The following CACNG6 variants were observed in gnomAD, a reference collection of about 807,000 sequenced individuals.
CACNG6 encodes the protein voltage-dependent calcium channel gamma-6 subunit.
CACNG6 carries 21 observed loss-of-function variants against 23.9 expected under a neutral mutation model. That is an observed-to-expected ratio of 0.88 (90% CI 0.62 to 1.26). The LOEUF (loss-of-function observed/expected upper bound fraction) is 1.26, where lower values mean the gene tolerates loss of function less well. CACNG6 is among the 50% of genes most tolerant of loss of function. CACNG6 has a pLI of 0.00. For synonymous variants in CACNG6, 182 were observed against 168.9 expected (o/e 1.08, Z -0.60); for missense variants, 340 against 352.9 (o/e 0.96, Z 0.29).
At chr19:54,004,314 C>T (rs555989741) in intron 3 of CACNG6, among the ~76,000 whole-genome samples, 2 of 147,816 alleles carry the variant, frequency 1.4e-5, no homozygotes, top group African/African-American at 2.6e-5. Flanking sequence ...TGCGCCACCA[C>T]GCCTGGTTAA....
chr19:54,011,221 T>C (rs947823219), intron 3 of CACNG6, among the ~76,000 whole-genome samples: 1,624 of 100,974 alleles, frequency 0.016, 64 homozygotes, highest in East Asian at 0.11. Flanking sequence ...TATATATATA[T>C]ATATATACAC....
intron 3 of CACNG6, among the ~76,000 whole-genome samples, chr19:54,000,006 G>C (rs1361432018): frequency 6.6e-6 from 1 of 152,198 alleles, no homozygotes; most frequent in Non-Finnish European, 1.5e-5. Flanking sequence ...TGCATGCTTG[G>C]AGTTGAGGGG....
At position 54,012,461 on chromosome 19, in the gene CACNG6, G is replaced by C. The variant is rs1039115411; in HGVS notation, c.*272G>C. On this transcript the variant is annotated 3_prime_UTR_variant, in exon 4 of 4. Transcript: ENST00000252729. ...AGAGAAGACTGGCGGGGACCTGATG[G>C]GGTAGCTGGGGTGTGGGGTTGGGGG... 1 of 301,072 alleles carries C rather than the reference G, an allele frequency of 3.3e-6. No individual in the cohort carries two copies. Among genetic ancestry groups the C allele is most frequent in the Non-Finnish European group, 6.0e-6 (1 of 165,296 alleles). The allele number at this position is 301,072 out of a possible 1,614,324, so 18.7% of individuals were successfully genotyped here.
rs777776975 is a variant in CACNG6, at chr19:53,999,685, C to T, written c.458C>T (p.Ala153Val). The T allele has an allele frequency of 1.9e-6, 3 of 1,614,008 alleles. No individual in the cohort carries two copies. Among genetic ancestry groups the T allele is most frequent in the Admixed American group, 3.3e-5 (2 of 60,004 alleles). ...VIAVLGLAVM[A>V]LGCLCIIMVL... Reference sequence around the variant, plus strand: ...GCAGTGCTGGGCCTGGCAGTCATGGCCTTGGGGTGCCTCTGTATCATCATG... The same window carrying T: ...GCAGTGCTGGGCCTGGCAGTCATGGTCTTGGGGTGCCTCTGTATCATCATG... Residue 153 changes from alanine (A) to valine (V), a missense_variant, in exon 3 of 4, where the codon GCC becomes GTC. Ala to Val is a moderately conservative substitution (Grantham distance 64). Coordinates refer to ENST00000252729, the MANE Select transcript of CACNG6 (RefSeq NM_145814.2).
At chr19:53,994,219 T>C (rs1456890623) in intron 1 of CACNG6, among the ~76,000 whole-genome samples, 1 of 152,114 alleles carries the variant, frequency 6.6e-6, no homozygotes, top group African/African-American at 2.4e-5. Context: ...CCCCACCTAC[T>C]GCTTCCACCA....
In CACNG6 at chr19:54,012,252, A is replaced by G; in HGVS notation, c.*63A>G. 1 of 736,032 alleles carries G rather than the reference A, an allele frequency of 1.4e-6. No homozygotes were observed. Among genetic ancestry groups the G allele is most frequent in the Non-Finnish European group, 2.0e-6 (1 of 492,942 alleles). The allele number at this position is 736,032 out of a possible 1,614,324, so 45.6% of individuals were successfully genotyped here. ...CTTTGACCTTCTCCATTGTACCCCC[A>G]AGATCTTTTTGCCCCATCTCCTAGA... is the stretch of plus-strand genomic sequence containing the variant. On this transcript the variant is annotated 3_prime_UTR_variant, in exon 4 of 4. Coordinates refer to ENST00000252729, the MANE Select transcript of CACNG6 (RefSeq NM_145814.2).
intron 3 of CACNG6, among the ~76,000 whole-genome samples, chr19:54,000,723 C>A (rs2069566621): frequency 6.6e-6 from 1 of 152,128 alleles, no homozygotes; most frequent in Middle Eastern, 3.4e-3. Context: ...GGATTACAAG[C>A]AGGCACCACC....
chr19:54,007,726 C>T (rs544528467), intron 3 of CACNG6, among the ~76,000 whole-genome samples: 8 of 149,998 alleles, frequency 5.3e-5, no homozygotes, highest in South Asian at 2.1e-4. Flanking sequence ...AGAAAGATCC[C>T]GTCTCTACAA....
intron 3 of CACNG6, among the ~76,000 whole-genome samples, chr19:54,005,982 C>G (rs926269857): frequency 6.7e-6 from 1 of 148,262 alleles, no homozygotes; most frequent in Non-Finnish European, 1.5e-5. Flanking sequence ...CCCAGCAACT[C>G]GGGAGGCTGA....
intron 1 of CACNG6, among the ~76,000 whole-genome samples, chr19:53,995,405 G>A (rs1225889173): frequency 2.0e-5 from 3 of 152,090 alleles, no homozygotes; most frequent in Non-Finnish European, 4.4e-5. Flanking sequence ...CCCATCAAAA[G>A]GCATCCCTGG....
chr19:54,009,290 G>A (rs1237834590), intron 3 of CACNG6, among the ~76,000 whole-genome samples: 1 of 151,978 alleles, frequency 6.6e-6, no homozygotes, highest in Non-Finnish European at 1.5e-5. Context: ...GCGTGGTGGC[G>A]TGTGTCTGTA....
In CACNG6 at chr19:54,002,284, G is replaced by GTTTGTT. The variant is rs2069586698; in HGVS notation, c.544+2516_544+2517insGTTTTT. 5.6e-4 allele frequency among the ~76,000 whole-genome samples: 66 copies of GTTTGTT among 117,416 alleles called. 1 individual carries two copies. Among genetic ancestry groups the GTTTGTT allele is most frequent in the South Asian group, 3.7e-3 (15 of 4,028 alleles). 77.0% of individuals were successfully genotyped at this position (117,416 alleles called of 152,430 possible). ...AATTTTCGGTTTTTTTGTTTTTTTTGTTTTTTTTTTTTTTGTAGAGATAGG... is the reference window on the plus strand; with the variant it reads ...AATTTTCGGTTTTTTTGTTTTTTTTGTTTGTTTTTTTTTTTTTTTTGTAGAGATAGG... On this transcript the variant is annotated intron_variant, in intron 3 of 3. Transcript: ENST00000252729.
intron 1 of CACNG6, among the ~76,000 whole-genome samples, chr19:53,995,897 G>A (rs528908976): frequency 4.6e-5 from 7 of 152,238 alleles, no homozygotes; most frequent in African/African-American, 1.7e-4. Flanking sequence ...CCTGACCTCA[G>A]GTGATCTGCC....
rs1251612340 is a variant in CACNG6, at chr19:53,991,675, A to AG, written c.-1201dup. On this transcript the variant is annotated 5_prime_UTR_variant, in exon 1 of 4. Transcript: ENST00000252729. ...TGGCGGGCACAGCCGGACGCTTCGGAGGCAGCGCGGAGCTGGGGTCGGCGC... is the reference window on the plus strand; with the variant it reads ...TGGCGGGCACAGCCGGACGCTTCGGAGGGCAGCGCGGAGCTGGGGTCGGCGC... Among the ~76,000 whole-genome samples the AG allele has an allele frequency of 2.0e-5, 3 of 150,370 alleles. No homozygotes were observed. The highest frequency in any genetic ancestry group is 7.4e-5 in the African/African-American group (3 of 40,544).
intron 3 of CACNG6, among the ~76,000 whole-genome samples, chr19:54,004,809 T>A (rs934922964): frequency 5.9e-5 from 9 of 152,166 alleles, no homozygotes; most frequent in African/African-American, 2.2e-4. Context: ...CTCGCATTGT[T>A]TAAGTCTCTG....
At chr19:54,008,683 C>T (rs894261336) in intron 3 of CACNG6, among the ~76,000 whole-genome samples, 9 of 152,224 alleles carry the variant, frequency 5.9e-5, no homozygotes, top group Admixed American at 5.9e-4. Context: ...TCGGAACAGC[C>T]GTTGCTTCGT....
At chr19:54,004,505 A>G (rs1482792893) in intron 3 of CACNG6, among the ~76,000 whole-genome samples, 1 of 152,082 alleles carries the variant, frequency 6.6e-6, no homozygotes, top group Non-Finnish European at 1.5e-5. Flanking sequence ...GGTGTGAGCC[A>G]CCACGCCTGG....
In CACNG6 at chr19:54,012,298, C is replaced by A. The variant is rs74403906; in HGVS notation, c.*109C>A. ...CTAGAGAAACTGTGTTCTCCCTGCT[C>A]GGGGGCCCATGTTTTTTTACACGCC... On this transcript the variant is annotated 3_prime_UTR_variant, in exon 4 of 4. Coordinates refer to ENST00000252729, the MANE Select transcript of CACNG6 (RefSeq NM_145814.2). 1.4e-3 allele frequency: 717 copies of A among 506,632 alleles called. 7 individuals carry two copies. The highest frequency in any genetic ancestry group is 0.012 in the African/African-American group (594 of 51,364). 31.4% of individuals were successfully genotyped at this position (506,632 alleles called of 1,614,324 possible).
intron 2 of CACNG6, among the ~76,000 whole-genome samples, 198 bp downstream of exon 2, chr19:53,998,511 CTTT>C (rs35492861): frequency 6.1e-5 from 7 of 115,412 alleles, no homozygotes; most frequent in Non-Finnish European, 8.8e-5. Flanking sequence ...CTAGAGAACT[CTTT>C]TTTTTTTTTT....
Sources: allele counts gnomAD v4.1 joint callset (sites outside exome capture counted in the v4.1 genomes callset), GRCh38; gene constraint gnomAD v4.1.1; transcripts MANE v1.5; gene names NCBI Gene and HGNC (gene_info 2026-07-23, HGNC 2026-07-21).